The following PHKB variants were observed in gnomAD, a reference collection of about 807,000 sequenced individuals.
PHKB encodes phosphorylase b kinase regulatory subunit beta.
PHKB carries 122 observed loss-of-function variants against 152.1 expected under a neutral mutation model. That is an observed-to-expected ratio of 0.80 (90% CI 0.69 to 0.93). PHKB has a LOEUF of 0.93. Ranked by LOEUF, PHKB falls within the 40% of genes least tolerant of loss-of-function variation. The pLI, the probability that PHKB is intolerant of heterozygous loss-of-function variation, is 0.00. For missense variants in PHKB, 1,304 were observed against 1,328.4 expected (o/e 0.98, Z 0.29); for synonymous variants, 436 against 464.9 (o/e 0.94, Z 0.80).
intron 13 of PHKB, among the ~76,000 whole-genome samples, chr16:47,605,172 G>A (rs771374618): frequency 2.6e-5 from 4 of 152,110 alleles, no homozygotes; most frequent in African/African-American, 4.8e-5. Context: ...TTTGCTAACC[G>A]ACTAATTTAT....
intron 13 of PHKB, among the ~76,000 whole-genome samples, chr16:47,605,180 T>C (rs1253281241): frequency 6.6e-6 from 1 of 152,182 alleles, no homozygotes; most frequent in Non-Finnish European, 1.5e-5. Flanking sequence ...CCGACTAATT[T>C]ATTATTCTGC....
In PHKB at chr16:47,544,004, G is replaced by C. The variant is rs184001711; in HGVS notation, c.595-3429G>C. Among the ~76,000 whole-genome samples the C allele has an allele frequency of 2.0e-5, 3 of 151,760 alleles. No homozygotes were observed. In the East Asian group the frequency reaches 5.8e-4, roughly 29 times the overall value. ...TTCTTCTTTATTAGTCTTGCTAGTC[G>C]TCTATCAATTTTGTTGATCTTTTCA... On this transcript the variant is annotated intron_variant, in intron 6 of 30. Coordinates refer to ENST00000323584, the MANE Select transcript of PHKB (RefSeq NM_000293.3).
intron 4 of PHKB, among the ~76,000 whole-genome samples, chr16:47,503,814 C>T (rs1970364974): frequency 6.6e-6 from 1 of 151,794 alleles, no homozygotes; most frequent in South Asian, 2.1e-4. Flanking sequence ...GGCGACAGAG[C>T]AAGTCTCTGT....
intron 20 of PHKB, among the ~76,000 whole-genome samples, chr16:47,656,040 TGA>T (rs528386253): frequency 1.0e-3 from 153 of 152,036 alleles, no homozygotes; most frequent in Non-Finnish European, 2.0e-3. Flanking sequence ...TAATTGAGAC[TGA>T]GTCTCACTCT....
rs1024294090 is a variant in PHKB, at chr16:47,500,547, G to A, written c.305+653G>A. Among the ~76,000 whole-genome samples the A allele has an allele frequency of 5.3e-5, 8 of 152,242 alleles. No individual in the cohort carries two copies. The East Asian group carries it at 1.5e-3, about 29-fold the overall frequency. Reference sequence around the variant, plus strand: ...GCAGATAATAAAATTAGAACCCCAAGTACTTAACAAATTTGTTCAAAATGA... The same window carrying A: ...GCAGATAATAAAATTAGAACCCCAAATACTTAACAAATTTGTTCAAAATGA... On this transcript the variant is annotated intron_variant, in intron 3 of 30. Coordinates refer to ENST00000323584, the MANE Select transcript of PHKB (RefSeq NM_000293.3).
rs749967562 is a variant in PHKB at position 47,648,587 on chromosome 16, A to C, written c.1663A>C (p.Arg555=). ...EKLGLSGRPD[R]PIGCLGTSKI... ...GTTAGGACTCTCTGGAAGGCCAGAC[A>C]GGCCCATTGGCTGCCTCGGGACATC... Residue 555 remains arginine, a synonymous_variant, in exon 17 of 31, where the codon AGG becomes CGG. Transcript: ENST00000323584. The C allele has an allele frequency of 2.5e-6, 4 of 1,613,268 alleles. No individual in the cohort carries two copies. In the South Asian group the frequency reaches 4.4e-5, roughly 18 times the overall value.
At chr16:47,636,928 TC>T (rs979951138) in intron 14 of PHKB, among the ~76,000 whole-genome samples, 3 of 152,140 alleles carry the variant, frequency 2.0e-5, no homozygotes, top group Non-Finnish European at 4.4e-5. Flanking sequence ...CTGTGCTTTT[TC>T]CGGGCCCACC....
intron 13 of PHKB, chr16:47,597,678 C>CTTTTTTTTTTTTT (rs1010545365): frequency 1.3e-4 from 14 of 107,830 alleles, no homozygotes; most frequent in South Asian, 3.1e-4. Flanking sequence ...TTTCTTTTTT[C>CTTTTTTTTTTTTT]TTTTTTTTTT....
chr16:47,672,495 G>T (rs1973654872), intron 26 of PHKB, among the ~76,000 whole-genome samples: 1 of 152,114 alleles, frequency 6.6e-6, no homozygotes, highest in African/African-American at 2.4e-5. Flanking sequence ...AGAAGTATAG[G>T]TTATAAGTCT....
chr16:47,471,169 G>C (rs1969760985), intron 1 of PHKB, among the ~76,000 whole-genome samples: 1 of 152,156 alleles, frequency 6.6e-6, no homozygotes, highest in Non-Finnish European at 1.5e-5. Flanking sequence ...CTAGAAATAG[G>C]AATCAGTGGA....
chr16:47,663,636 A>G lies in PHKB; in HGVS notation c.2279-41A>G, dbSNP rs754753074. On this transcript the variant is annotated intron_variant, in intron 23 of 30. Coordinates refer to ENST00000323584, the MANE Select transcript of PHKB (RefSeq NM_000293.3). ...AGGAATAAATGTTGTGCATTTAATTAAAAGCTTTGTTCAACAAAGACTCTA... is the reference window on the plus strand; with the variant it reads ...AGGAATAAATGTTGTGCATTTAATTGAAAGCTTTGTTCAACAAAGACTCTA... The G allele has an allele frequency of 3.2e-6, 5 of 1,546,042 alleles. No individual in the cohort carries two copies. In the East Asian group the frequency reaches 1.1e-4, roughly 35 times the overall value.
chr16:47,471,705 A>G (rs1969770785), intron 1 of PHKB, among the ~76,000 whole-genome samples: 1 of 152,214 alleles, frequency 6.6e-6, no homozygotes, highest in Admixed American at 6.5e-5. Context: ...CCTGTGGCCC[A>G]TTTCCTGTTA....
rs34841624 is a variant in PHKB, at chr16:47,537,872, T to TTCTC, written c.595-9533_595-9530dup. Reference sequence around the variant, plus strand: ...AGGTATTGTAAACATACGTGGAAAATTCTCTCTCTCTCTCTCTCTCTCTCT... The same window carrying TTCTC: ...AGGTATTGTAAACATACGTGGAAAATTCTCTCTCTCTCTCTCTCTCTCTCTCTCT... On this transcript the variant is annotated intron_variant, in intron 6 of 30. Transcript: ENST00000323584. 3.4e-3 allele frequency among the ~76,000 whole-genome samples: 481 copies of TTCTC among 143,486 alleles called. 2 individuals carry two copies. The highest frequency in any genetic ancestry group is 0.011 in the Middle Eastern group (3 of 276). 94.1% of individuals were successfully genotyped at this position (143,486 alleles called of 152,430 possible). A position where few individuals can be genotyped will look rare whatever the true frequency, so the allele number is the denominator to read the frequency against.
At chr16:47,631,841 G>C (rs1190141214) in intron 14 of PHKB, among the ~76,000 whole-genome samples, 1 of 152,146 alleles carries the variant, frequency 6.6e-6, no homozygotes, top group African/African-American at 2.4e-5. Context: ...GTATTCCGTG[G>C]TGTATATGTG....
At chr16:47,607,747 A>G (rs994730553) in intron 13 of PHKB, among the ~76,000 whole-genome samples, 4 of 152,216 alleles carry the variant, frequency 2.6e-5, no homozygotes, top group African/African-American at 9.6e-5. Context: ...CATTTTGAGC[A>G]ACTTCCAGAC....
At chr16:47,600,177 C>T (rs1181368400) in intron 13 of PHKB, among the ~76,000 whole-genome samples, 1 of 152,106 alleles carries the variant, frequency 6.6e-6, no homozygotes, top group Non-Finnish European at 1.5e-5. Context: ...TATAACAAAA[C>T]TCTGTGACTT....
intron 8 of PHKB, among the ~76,000 whole-genome samples, chr16:47,581,060 G>A (rs1392520036): frequency 2.0e-5 from 3 of 152,014 alleles, no homozygotes; most frequent in Non-Finnish European, 4.4e-5. Flanking sequence ...CTAAGATGGT[G>A]AAGTAAAGTG....
At position 47,594,195 on chromosome 16, in the gene PHKB, A is replaced by G; in HGVS notation, c.1185A>G (p.Val395=). 1 of 1,553,980 alleles carries G rather than the reference A, an allele frequency of 6.4e-7. No individual in the cohort carries two copies. Among genetic ancestry groups the G allele is most frequent in the Non-Finnish European group, 8.9e-7 (1 of 1,125,614 alleles). The change falls in exon 12 of 31, where the codon GTA becomes GTG. Residue 395 remains valine (V), a synonymous_variant. Coordinates refer to ENST00000323584, the MANE Select transcript of PHKB (RefSeq NM_000293.3). ...VQEYQDLLTP[V]LHHTTEGYPV... Reference sequence around the variant, plus strand: ...AATATCAGGATCTTTTGACTCCAGTACTTCATCATACCACAGAAGGTATAG... The same window carrying G: ...AATATCAGGATCTTTTGACTCCAGTGCTTCATCATACCACAGAAGGTATAG...
At chr16:47,613,749 C>T (rs1263958106) in intron 14 of PHKB, among the ~76,000 whole-genome samples, 1 of 152,106 alleles carries the variant, frequency 6.6e-6, no homozygotes, top group Non-Finnish European at 1.5e-5. Context: ...TGTGTTATTC[C>T]TTTATAATCA....
Sources: allele counts gnomAD v4.1 joint callset (sites outside exome capture counted in the v4.1 genomes callset), GRCh38; gene constraint gnomAD v4.1.1; transcripts MANE v1.5; gene names NCBI Gene and HGNC (gene_info 2026-07-23, HGNC 2026-07-21).